The following NAV1 variants were observed in gnomAD, a reference collection of about 807,000 sequenced individuals.
NAV1 encodes pore membrane and/or filament interacting like protein 3.
NAV1 carries 18 observed loss-of-function variants against 175.2 expected under a neutral mutation model. The observed-to-expected ratio is 0.10, with a 90% CI of 0.07 to 0.15. The LOEUF is 0.15. Ranked by LOEUF, NAV1 falls within the 10% of genes least tolerant of loss-of-function variation. The pLI is 1.00. For missense variants in NAV1, 1,731 were observed against 2,436.6 expected, an observed-to-expected ratio of 0.71 and a Z score of 6.10; for synonymous variants, 897 against 978.7, an observed-to-expected ratio of 0.92 and a Z score of 1.56.
At chr1:201,599,876 G>A (rs142255328) in intron 2 of NAV1, among the ~76,000 whole-genome samples, 1,696 of 152,308 alleles carry the variant, frequency 0.011, 12 homozygotes, top group Non-Finnish European at 0.017. Context: ...ACTTTATTTG[G>A]AAACAATTCT....
At chr1:201,657,495 C>T (rs572421588) in intron 1 of NAV1, among the ~76,000 whole-genome samples, 22 of 152,314 alleles carry the variant, frequency 1.4e-4, no homozygotes, top group African/African-American at 4.3e-4. Context: ...CTTCTTCCTT[C>T]CATTTTTCTT....
intron 3 of NAV1, among the ~76,000 whole-genome samples, chr1:201,730,878 A>G (rs1672827310): frequency 6.6e-6 from 1 of 152,198 alleles, no homozygotes; most frequent in East Asian, 1.9e-4. Context: ...AAGGCCATTC[A>G]CTGCAGCTGA....
At chr1:201,707,114 G>T (rs1671702373) in intron 1 of NAV1, among the ~76,000 whole-genome samples, 1 of 152,108 alleles carries the variant, frequency 6.6e-6, no homozygotes, top group Non-Finnish European at 1.5e-5. Context: ...ACAGAAACAA[G>T]GTTTTGTTAC....
intron 29 of NAV1, 111 bp downstream of exon 33, chr1:201,817,396 G>A: frequency 9.7e-7 from 1 of 1,033,972 alleles, no homozygotes; most frequent in Non-Finnish European, 1.4e-6. Flanking sequence ...TGAGGTGGGA[G>A]GATTGTTTGA....
intron 17 of NAV1, among the ~76,000 whole-genome samples, chr1:201,805,354 T>C (rs1310148806): frequency 1.3e-5 from 2 of 152,202 alleles, no homozygotes; most frequent in Non-Finnish European, 2.9e-5. Context: ...GTGATTACTA[T>C]AGGCAGGGAA....
At chr1:201,789,070 G>T (rs1015687247) in intron 10 of NAV1, among the ~76,000 whole-genome samples, 1 of 152,140 alleles carries the variant, frequency 6.6e-6, no homozygotes. Flanking sequence ...TTTCAAAAAT[G>T]TTCCAAAGAT....
At chr1:201,636,113 A>G (rs1392425664) in intron 2 of NAV1, among the ~76,000 whole-genome samples, 1 of 152,194 alleles carries the variant, frequency 6.6e-6, no homozygotes, top group Admixed American at 6.5e-5. Flanking sequence ...GCCTGGGCAG[A>G]GATTGGCCAG....
chr1:201,746,306 C>T lies in NAV1; in HGVS notation c.1226+27551C>T, dbSNP rs143226359. Among the ~76,000 whole-genome samples the T allele has an allele frequency of 5.1e-4, 78 of 152,310 alleles. No individual in the cohort carries two copies. In the East Asian group the frequency reaches 0.014, roughly 28 times the overall value. On this transcript the variant is annotated intron_variant, in intron 3 of 29. Coordinates refer to ENST00000367296, the Ensembl canonical transcript of NAV1. Reference sequence around the variant, plus strand: ...AGCTGATAGGATACCACTGTAAGAGCTAATATAGCTGTACAGCTTTGGACA... The same window carrying T: ...AGCTGATAGGATACCACTGTAAGAGTTAATATAGCTGTACAGCTTTGGACA...
At chr1:201,804,568 CT>C in intron 17 of NAV1, 71 bp downstream of exon 21, 1 of 870,354 alleles carries the variant, frequency 1.1e-6, no homozygotes, top group Non-Finnish European at 1.7e-6. Context: ...TCCAGAGCAA[CT>C]CCCTTCCCCT....
Position 201,611,844 on chromosome 1 carries a change from C to T in NAV1, c.-32-11009C>T, listed in dbSNP as rs554398267. 1.0e-3 allele frequency among the ~76,000 whole-genome samples: 154 copies of T among 152,024 alleles called. 1 individual carries two copies. Among genetic ancestry groups the T allele is most frequent in the African/African-American group, 3.3e-3 (136 of 41,470 alleles). ...GGCTGGGTGGGAAATGGGCCAAAGG[C>T]GAGGGACAGCAAGGGACAGGGAGGA... On this transcript the variant is annotated intron_variant, in intron 2 of 33. Coordinates refer to the NAV1 transcript ENST00000685211.
At chr1:201,825,492 A>G (rs1049008245) in exon 30 of NAV1, 1 of 152,124 alleles carries the variant, frequency 6.6e-6, no homozygotes, top group Admixed American at 6.6e-5. Flanking sequence ...TATCCCAGGA[A>G]GGCCCCTTAT....
chr1:201,602,287 A>T (rs1299775819), intron 2 of NAV1, among the ~76,000 whole-genome samples: 1 of 149,444 alleles, frequency 6.7e-6, no homozygotes, highest in Non-Finnish European at 1.5e-5. Flanking sequence ...GGCCTAAAAA[A>T]CTCCTTGTTC....
chr1:201,762,130 A>C (rs1229368554), intron 3 of NAV1, among the ~76,000 whole-genome samples: 1 of 152,240 alleles, frequency 6.6e-6, no homozygotes, highest in Non-Finnish European at 1.5e-5. Context: ...ACTGCATTCC[A>C]GTTAGGTGAC....
At chr1:201,811,932 C>T in exon 26 of NAV1, 1 of 1,614,128 alleles carries the variant, frequency 6.2e-7, no homozygotes, top group Middle Eastern at 1.6e-4. Context: ...ACCAATCAGC[C>T]TGTAAAAATG....
At chr1:201,582,394 T>A (rs1397082000) in intron 1 of NAV1, among the ~76,000 whole-genome samples, 1 of 152,132 alleles carries the variant, frequency 6.6e-6, no homozygotes, top group Non-Finnish European at 1.5e-5. Context: ...AGGACCAGTA[T>A]GGGAAGGGCT....
chr1:201,766,642 A>G (rs951212711), intron 3 of NAV1, among the ~76,000 whole-genome samples: 1 of 152,138 alleles, frequency 6.6e-6, no homozygotes, highest in East Asian at 1.9e-4. Context: ...GTTGCCATCA[A>G]AGGGATCAGC....
chr1:201,668,587 G>A (rs1471708075), intron 1 of NAV1, among the ~76,000 whole-genome samples: 2 of 152,150 alleles, frequency 1.3e-5, no homozygotes, highest in Non-Finnish European at 2.9e-5. Flanking sequence ...TCTGGGGACT[G>A]AGACTCCAAG....
intron 1 of NAV1, among the ~76,000 whole-genome samples, chr1:201,706,254 G>T (rs933923417): frequency 2.7e-5 from 4 of 148,862 alleles, no homozygotes; most frequent in African/African-American, 9.9e-5. Context: ...ATTAAGAAGG[G>T]GTGTGTGTGT....
At chr1:201,742,420 G>C (rs1673482585) in intron 3 of NAV1, among the ~76,000 whole-genome samples, 1 of 152,186 alleles carries the variant, frequency 6.6e-6, no homozygotes, top group African/African-American at 2.4e-5. Context: ...TTTCAGAGCA[G>C]ATGTATTTCT....
Sources: gnomAD v4.1 joint callset for allele counts (sites outside exome capture counted in the v4.1 genomes callset) on GRCh38, gnomAD v4.1.1 for gene constraint, MANE v1.5 for transcripts, NCBI Gene and HGNC (gene_info 2026-07-23, HGNC 2026-07-21) for gene names.